ATG10: variants seen among roughly 807,000 people sequenced by gnomAD.
ATG10 encodes the protein ubiquitin-like-conjugating enzyme ATG10.
A neutral mutation model predicts 32.1 loss-of-function variants in ATG10; 30 were observed. The observed-to-expected ratio is 0.94, with a 90% confidence interval of 0.70 to 1.27. The LOEUF is 1.27. Among genes scored for constraint, ATG10 ranks in the 50% most tolerant of loss-of-function variants. The pLI, the probability that ATG10 is intolerant of heterozygous loss-of-function variation, is 0.00. For missense variants in ATG10, 233 were observed against 262.3 expected, an observed-to-expected ratio of 0.89 and a Z score of 0.77; for synonymous variants, 87 against 91.5, an observed-to-expected ratio of 0.95 and a Z score of 0.28.
At chr5:82,079,448 T>C (rs1297494813) in intron 3 of ATG10, among the ~76,000 whole-genome samples, 1 of 151,936 alleles carries the variant, frequency 6.6e-6, no homozygotes, top group Non-Finnish European at 1.5e-5. Context: ...ACATATGCCA[T>C]GTTGGTGTGC....
chr5:82,105,335 G>A (rs1765413074), intron 3 of ATG10, among the ~76,000 whole-genome samples: 1 of 151,866 alleles, frequency 6.6e-6, no homozygotes, highest in Non-Finnish European at 1.5e-5. Context: ...TGTCTTTTTA[G>A]ATATTGTCTG....
At chr5:82,072,082 A>G (rs1431872031) in intron 3 of ATG10, among the ~76,000 whole-genome samples, 1 of 152,194 alleles carries the variant, frequency 6.6e-6, no homozygotes, top group Non-Finnish European at 1.5e-5. Flanking sequence ...AATTTCAAGT[A>G]TGCTGGAACT....
intron 5 of ATG10, among the ~76,000 whole-genome samples, chr5:82,182,674 A>G (rs1402005224): frequency 1.3e-5 from 2 of 152,158 alleles, no homozygotes; most frequent in Non-Finnish European, 2.9e-5. Flanking sequence ...TGACAAAATC[A>G]TGGACTGAAG....
At chr5:82,125,064 G>A (rs1766210646) in intron 3 of ATG10, among the ~76,000 whole-genome samples, 1 of 152,246 alleles carries the variant, frequency 6.6e-6, no homozygotes, top group South Asian at 2.1e-4. Flanking sequence ...TTTTTCATAT[G>A]TTTGTTAGCT....
At chr5:82,025,445 CAG>C (rs1264172192) in intron 2 of ATG10, among the ~76,000 whole-genome samples, 3 of 152,132 alleles carry the variant, frequency 2.0e-5, no homozygotes, top group Admixed American at 6.5e-5. Context: ...ATTCAAGAAA[CAG>C]AGGTCCCAAT....
chr5:82,185,439 A>G (rs902583847), intron 5 of ATG10, among the ~76,000 whole-genome samples: 7 of 152,236 alleles, frequency 4.6e-5, no homozygotes, highest in East Asian at 1.9e-4. Context: ...TTAATACTAT[A>G]TAAGAGTAAG....
intron 3 of ATG10, among the ~76,000 whole-genome samples, chr5:82,144,481 T>G (rs1455929399): frequency 3.9e-5 from 6 of 151,944 alleles, no homozygotes; most frequent in Non-Finnish European, 8.8e-5. Flanking sequence ...CTGATTTAGC[T>G]GCATTCCATT....
intron 5 of ATG10, among the ~76,000 whole-genome samples, chr5:82,198,922 A>G (rs1290405272): frequency 6.6e-6 from 1 of 152,222 alleles, no homozygotes; most frequent in Non-Finnish European, 1.5e-5. Flanking sequence ...ATTTCCAGGT[A>G]CAACATTCAG....
At chr5:82,054,627 G>A (rs376710164) in intron 2 of ATG10, among the ~76,000 whole-genome samples, 1 of 152,214 alleles carries the variant, frequency 6.6e-6, no homozygotes, top group African/African-American at 2.4e-5. Flanking sequence ...TTTCTTAGAA[G>A]TGCTTTAGTC....
intron 5 of ATG10, among the ~76,000 whole-genome samples, chr5:82,231,592 C>T (rs972152450): frequency 1.3e-5 from 2 of 152,118 alleles, no homozygotes; most frequent in Admixed American, 6.5e-5. Context: ...GAAAATGCCT[C>T]ATAGTAGCCA....
intron 5 of ATG10, among the ~76,000 whole-genome samples, chr5:82,192,550 T>C (rs1051030176): frequency 3.3e-5 from 5 of 152,186 alleles, no homozygotes; most frequent in African/African-American, 1.2e-4. Flanking sequence ...AGGACAGTTA[T>C]TAGGCGTTTC....
chr5:82,112,593 G>T (rs898169286), intron 3 of ATG10, among the ~76,000 whole-genome samples: 1 of 151,740 alleles, frequency 6.6e-6, no homozygotes, highest in East Asian at 1.9e-4. Context: ...ATTACAAAAA[G>T]AATTTTGTTT....
intron 2 of ATG10, among the ~76,000 whole-genome samples, chr5:81,998,952 C>T (rs1349424452): frequency 1.3e-5 from 2 of 152,072 alleles, no homozygotes; most frequent in Non-Finnish European, 2.9e-5. Flanking sequence ...GACTTTAACA[C>T]CCCATTGACA....
intron 2 of ATG10, among the ~76,000 whole-genome samples, chr5:82,014,765 G>C (rs540091386): frequency 1.3e-4 from 20 of 152,194 alleles, no homozygotes; most frequent in African/African-American, 4.8e-4. Flanking sequence ...CACACTGATG[G>C]GCCTTGACTC....
intron 5 of ATG10, among the ~76,000 whole-genome samples, chr5:82,197,716 TTCTTTCTATCTATCTATCTA>T (rs1197788396): frequency 2.6e-4 from 37 of 142,188 alleles, no homozygotes; most frequent in African/African-American, 8.8e-4. Context: ...CTTTCTTTCT[TTCTTTCTATCTATCTATCTA>T]TCTATCTATC....
At chr5:82,066,109 TG>T (rs1254710965) in intron 3 of ATG10, among the ~76,000 whole-genome samples, 1 of 152,188 alleles carries the variant, frequency 6.6e-6, no homozygotes, top group Non-Finnish European at 1.5e-5. Context: ...GGGAAATATC[TG>T]AAAGTATTTC....
chr5:82,047,064 A>G (rs1055542127), intron 2 of ATG10, among the ~76,000 whole-genome samples: 2 of 152,026 alleles, frequency 1.3e-5, no homozygotes, highest in Non-Finnish European at 2.9e-5. Context: ...GCAAACAAAC[A>G]TAATATGGCA....
At chr5:82,164,558 A>G in intron 4 of ATG10, 21 bp downstream of exon 4, 4 of 1,580,934 alleles carry the variant, frequency 2.5e-6, no homozygotes, top group Non-Finnish European at 3.4e-6. Context: ...GTCTGAAGCT[A>G]AAAGTAAATT....
chr5:82,124,225 G>T (rs540169739), intron 3 of ATG10, among the ~76,000 whole-genome samples: 4 of 151,098 alleles, frequency 2.6e-5, no homozygotes, highest in African/African-American at 9.7e-5. Flanking sequence ...GGATGGTCTC[G>T]ATCTCCTGAC....
Sources: allele counts gnomAD v4.1 joint callset (sites outside exome capture counted in the v4.1 genomes callset), GRCh38; gene constraint gnomAD v4.1.1; transcripts MANE v1.5; gene names NCBI Gene and HGNC (gene_info 2026-07-23, HGNC 2026-07-21).